Variants in TPO observed in about 807,000 individuals in gnomAD.
The protein encoded by TPO is thyroid microsomal antigen.
A neutral mutation model predicts 96.9 loss-of-function variants in TPO; 78 were observed. The ratio of observed to expected loss-of-function variants is 0.81; its 90% CI spans 0.67 to 0.97. The LOEUF (loss-of-function observed/expected upper bound fraction) is 0.97, where lower values mean the gene tolerates loss of function less well. Among genes scored for constraint, TPO ranks in the 50% least tolerant of loss-of-function variants. TPO has a pLI of 0.00. For missense variants in TPO, 1,252 were observed against 1,274.8 expected (o/e 0.98, Z 0.27); for synonymous variants, 547 against 538.0 (o/e 1.02, Z -0.23).
chr2:1,393,353 C>T (rs568220572), intron 1 of TPO, among the ~76,000 whole-genome samples: 1 of 152,228 alleles, frequency 6.6e-6, no homozygotes, highest in South Asian at 2.1e-4. Flanking sequence ...CCACCAGGCC[C>T]CTCTTCCAAC....
intron 10 of TPO, among the ~76,000 whole-genome samples, chr2:1,490,563 G>A (rs1489852675): frequency 1.3e-5 from 2 of 152,208 alleles, no homozygotes; most frequent in East Asian, 1.9e-4. Flanking sequence ...GCATGTGTTA[G>A]CACTCTATAC....
At chr2:1,455,430 C>T (rs1667699316) in intron 6 of TPO, among the ~76,000 whole-genome samples, 1 of 152,170 alleles carries the variant, frequency 6.6e-6, no homozygotes, top group Non-Finnish European at 1.5e-5. Context: ...CAATCCAAAT[C>T]TCACCACATA....
chr2:1,476,962 A>G (rs115298811), intron 7 of TPO, 124 bp from the exon 8 acceptor site: 54,333 of 1,260,420 alleles, frequency 0.043, 1,569 homozygotes, highest in East Asian at 0.13. Flanking sequence ...ACTGACCCCT[A>G]CAGAGGACTG....
intron 15 of TPO, 121 bp from the exon 16 acceptor site, chr2:1,540,473 G>A (rs1400174020): frequency 5.6e-6 from 9 of 1,593,654 alleles, no homozygotes; most frequent in Admixed American, 5.0e-5. Flanking sequence ...ATGAAAGTGG[G>A]TTGGAGTGTT....
intron 3 of TPO, among the ~76,000 whole-genome samples, chr2:1,426,151 G>C (rs1298605315): frequency 6.9e-6 from 1 of 144,884 alleles, no homozygotes; most frequent in African/African-American, 2.6e-5. Flanking sequence ...TGTTCTAGAT[G>C]CCAGGATACA....
rs990773863 is a variant in TPO, at chr2:1,528,478, A to G, written c.2618+11496A>G. 4.2e-5 allele frequency among the ~76,000 whole-genome samples: 6 copies of G among 141,546 alleles called. 1 individual carries two copies. The highest frequency in any genetic ancestry group is 1.7e-4 in the African/African-American group (6 of 35,522). 92.9% of individuals were successfully genotyped at this position (141,546 alleles called of 152,430 possible). A position where few individuals can be genotyped will look rare whatever the true frequency, so the allele number is the denominator to read the frequency against. On this transcript the variant is annotated intron_variant, in intron 15 of 16. Transcript: ENST00000329066. ...TCCTCAAATCTCTCAACTGTGTGCA[A>G]CCTCCTCAAATCCCCCCTTCTGTGC...
At chr2:1,394,910 C>G (rs944925994) in intron 1 of TPO, among the ~76,000 whole-genome samples, 4 of 152,114 alleles carry the variant, frequency 2.6e-5, no homozygotes, top group African/African-American at 7.2e-5. Context: ...CCACGTGATT[C>G]CAGGCTCCTA....
At chr2:1,433,917 C>T (rs945740743) in intron 4 of TPO, among the ~76,000 whole-genome samples, 4 of 152,204 alleles carry the variant, frequency 2.6e-5, no homozygotes, top group Non-Finnish European at 5.9e-5. Flanking sequence ...CATAGCCCCC[C>T]TCTTAGTTAA....
rs74541392 is a variant in TPO, at chr2:1,396,078, C to T, written n.180+21676C>T. ...GCTTCCTGTGAGCTGCCACTAAGCT[C>T]TGCTCTGCTGGAAGCTCACGTGGGA... is the stretch of plus-strand genomic sequence containing the variant. On this transcript the variant is annotated intron_variant and non_coding_transcript_variant, in intron 1 of 5. Transcript: ENST00000497517. 7.5e-3 allele frequency among the ~76,000 whole-genome samples: 1,140 copies of T among 152,362 alleles called. 14 individuals carry two copies. The highest frequency in any genetic ancestry group is 0.025 in the African/African-American group (1,047 of 41,576).
intron 14 of TPO, among the ~76,000 whole-genome samples, chr2:1,505,262 A>C (rs1573464465): frequency 4.2e-5 from 6 of 141,370 alleles, no homozygotes; most frequent in African/African-American, 8.1e-5. Context: ...TGTCAGGCGC[A>C]CCCCCTCCTG....
Position 1,477,530 on chromosome 2 carries a change from A to ATGGGCGTCCACATGGGTGAGCTCC in TPO, c.1264_1265insTGGGCGTCCACATGGGTGAGCTCC (p.Lys422delinsMetGlyValHisMetGlyGluLeuGln). 6.5e-7 allele frequency: 1 copy of ATGGGCGTCCACATGGGTGAGCTCC among 1,534,348 alleles called. No individual in the cohort carries two copies. Among genetic ancestry groups the ATGGGCGTCCACATGGGTGAGCTCC allele is most frequent in the Non-Finnish European group, 8.7e-7 (1 of 1,145,538 alleles). On this transcript the variant is annotated protein_altering_variant, in exon 8 of 17. Transcript: ENST00000329066. ...GCACAACCGCCTGGCCGCGGCGCTC[A>ATGGGCGTCCACATGGGTGAGCTCC]AGGCCCTCAATGCGCACTGGAGCGC...
chr2:1,477,101 C>T lies in TPO; in HGVS notation c.835C>T (p.Arg279Trp), dbSNP rs762810333. Residue 279 changes from arginine to tryptophan, a missense_variant, in exon 8 of 17, where the codon CGG (arginine) becomes TGG (tryptophan). Coordinates refer to ENST00000329066, the MANE Select transcript of TPO (RefSeq NM_001206744.2). ...CFPIQLPEEA[R>W]PAAGTACLPF... Reference sequence around the variant, plus strand: ...TTGCCTGCAGCTCCCGGAGGAGGCCCGGCCGGCCGCGGGCACCGCCTGTCT... The same window carrying T: ...TTGCCTGCAGCTCCCGGAGGAGGCCTGGCCGGCCGCGGGCACCGCCTGTCT... 39 of 1,605,010 alleles carry T rather than the reference C, an allele frequency of 2.4e-5. No homozygotes were observed. In the East Asian group the frequency reaches 7.1e-4, roughly 29 times the overall value.
At chr2:1,382,109 G>C (rs889816357) in intron 1 of TPO, among the ~76,000 whole-genome samples, 1 of 152,068 alleles carries the variant, frequency 6.6e-6, no homozygotes, top group African/African-American at 2.4e-5. Flanking sequence ...CCTTTAAAAT[G>C]CATCTCCACG....
At chr2:1,386,015 G>A (rs191395169) in intron 1 of TPO, among the ~76,000 whole-genome samples, 123 of 152,240 alleles carry the variant, frequency 8.1e-4, no homozygotes, top group Non-Finnish European at 1.3e-3. Context: ...TCCATTAGTT[G>A]AGTGGTTTTG....
At chr2:1,411,468 T>G (rs189068375), upstream of TPO, among the ~76,000 whole-genome samples, 97 of 152,234 alleles carry the variant, frequency 6.4e-4, no homozygotes, top group African/African-American at 2.2e-3. Flanking sequence ...CAGTCAGTAT[T>G]TACTTTACAT....
intron 12 of TPO, 143 bp downstream of exon 12, chr2:1,496,340 TGGGGCGGGGCGGGGC>T (rs370762547): frequency 2.2e-4 from 111 of 499,586 alleles, no homozygotes; most frequent in Non-Finnish European, 2.8e-4. Flanking sequence ...GGGCAGCTCC[TGGGGCGGGGCGGGGC>T]GGGGCGGGGC....
chr2:1,427,928 T>C (rs1664592500), intron 3 of TPO, among the ~76,000 whole-genome samples: 1 of 152,174 alleles, frequency 6.6e-6, no homozygotes, highest in Non-Finnish European at 1.5e-5. Flanking sequence ...TGGGCATTAC[T>C]GGGATGACAG....
At chr2:1,437,658 CTTTGAGCTGTAAGAGCTTG>C (rs965372214) in intron 5 of TPO, among the ~76,000 whole-genome samples, 6 of 152,206 alleles carry the variant, frequency 3.9e-5, no homozygotes, top group African/African-American at 1.4e-4. Flanking sequence ...TGTTTCAATT[CTTTGAGCTGTAAGAGCTTG>C]TTTGTTAAGC....
At position 1,484,808 on chromosome 2, in the gene TPO, G is replaced by A; in HGVS notation, c.1551G>A (p.Leu517=). 1 of 1,614,078 alleles carries A rather than the reference G, an allele frequency of 6.2e-7. No homozygotes were observed. Among genetic ancestry groups the A allele is most frequent in the Non-Finnish European group, 8.5e-7 (1 of 1,180,044 alleles). ...AGGAGCACCCCGACCTGCCCGGGCT[G>A]TGGCTGCACCAGGCTTTCTTCAGCC... ...SFQEHPDLPG[L]WLHQAFFSPW... Residue 517 remains leucine (L), a synonymous_variant, in exon 9 of 17, where the codon CTG becomes CTA. Coordinates refer to ENST00000329066, the MANE Select transcript of TPO (RefSeq NM_001206744.2).
Sources: allele counts gnomAD v4.1 joint callset (sites outside exome capture counted in the v4.1 genomes callset), GRCh38; gene constraint gnomAD v4.1.1; transcripts MANE v1.5; gene names NCBI Gene and HGNC (gene_info 2026-07-23, HGNC 2026-07-21).